The following PABPC1 variants were observed in gnomAD, a reference collection of about 807,000 sequenced individuals.
PABPC1 encodes the protein polyadenylate-binding protein 1.
Under a neutral mutation model 74.0 loss-of-function variants are expected in PABPC1, and 4 were observed. The ratio of observed to expected loss-of-function variants is 0.05; its 90% confidence interval spans 0.03 to 0.12. The LOEUF is 0.12. PABPC1 is among the 10% of genes least tolerant of loss of function. PABPC1 has a pLI of 1.00. For missense variants in PABPC1, 271 were observed against 821.1 expected (o/e 0.33, Z 8.19); for synonymous variants, 227 against 264.1 (o/e 0.86, Z 1.36).
intron 7 of PABPC1, 49 bp from the exon 8 acceptor site, chr8:100,709,780 CA>C: frequency 1.3e-6 from 2 of 1,514,336 alleles, no homozygotes; most frequent in Non-Finnish European, 1.8e-6. Flanking sequence ...GAATGAGGAG[CA>C]AAAAAAGAGC....
At position 100,709,478 on chromosome 8, in the gene PABPC1, A is replaced by C; in HGVS notation, c.1226T>G (p.Phe409Cys). ...PYQPAPPSGY[F>C]MAAIPQTQNR... is the part of the protein sequence containing the mutation. ...ACCTACCTGTGGGATAGCTGCCATG[A>C]AGTAACCTGAAGGAGGTGCTGGCTG... The change falls in exon 8 of 15, where the codon TTC becomes TGC. Residue 409 changes from phenylalanine to cysteine, a missense_variant. This residue lies in a region of PABPC1 where 103 missense variants were observed against 245.3 expected (regional missense o/e 0.42). Coordinates refer to ENST00000318607, the MANE Select transcript of PABPC1 (RefSeq NM_002568.4). 6.2e-7 allele frequency: 1 copy of C among 1,614,208 alleles called. No homozygotes were observed. The highest frequency in any genetic ancestry group is 8.5e-7 in the Non-Finnish European group (1 of 1,180,042).
intron 2 of PABPC1, 98 bp downstream of exon 2, chr8:100,717,989 G>T: frequency 7.5e-7 from 1 of 1,327,400 alleles, no homozygotes; most frequent in Non-Finnish European, 1.1e-6. Context: ...GGATATTTGT[G>T]AAATAAAGAT....
In PABPC1 at chr8:100,706,637, C is replaced by A. The variant is rs1305772375; in HGVS notation, c.1602+14G>T. The A allele has an allele frequency of 2.5e-6, 4 of 1,571,574 alleles. No individual in the cohort carries two copies. The highest frequency in any genetic ancestry group is 2.3e-5 in the South Asian group (2 of 87,370). Reference sequence around the variant, plus strand: ...AGAAATGTGATTTTTATTAAGAAATCATTAAATCCATACCTGTTGCATTGT... The same window carrying A: ...AGAAATGTGATTTTTATTAAGAAATAATTAAATCCATACCTGTTGCATTGT... On this transcript the variant is annotated intron_variant, in intron 11 of 14. Coordinates refer to ENST00000318607, the MANE Select transcript of PABPC1 (RefSeq NM_002568.4).
chr8:100,715,076 G>A (rs1414629229), intron 4 of PABPC1, among the ~76,000 whole-genome samples: 2 of 151,048 alleles, frequency 1.3e-5, no homozygotes, highest in African/African-American at 2.4e-5. Context: ...TCCACTGTAG[G>A]CTGGCTGTGT....
intron 4 of PABPC1, among the ~76,000 whole-genome samples, chr8:100,714,673 G>A (rs143784650): frequency 2.6e-4 from 39 of 152,210 alleles, no homozygotes; most frequent in African/African-American, 9.4e-4. Context: ...AGGCTACAAT[G>A]AGCCGAGATC....
intron 2 of PABPC1, 65 bp from the exon 3 acceptor site, chr8:100,717,953 G>C (rs1345828887): frequency 1.0e-5 from 14 of 1,377,622 alleles, no homozygotes; most frequent in South Asian, 2.3e-5. Context: ...TCAGTGTTGA[G>C]AGACAATCTG....
chr8:100,703,619 G>C (rs1810301759), intron 14 of PABPC1, among the ~76,000 whole-genome samples: 1 of 152,066 alleles, frequency 6.6e-6, no homozygotes, highest in African/African-American at 2.4e-5. Context: ...GCCAATCCCT[G>C]GTCCTGATCC....
At position 100,717,816 on chromosome 8, in the gene PABPC1, C is replaced by T. The variant is rs778642490; in HGVS notation, c.460G>A (p.Ala154Thr). The T allele has an allele frequency of 6.2e-7, 1 of 1,613,526 alleles. No individual in the cohort carries two copies. Among genetic ancestry groups the T allele is most frequent in the South Asian group, 1.1e-5 (1 of 91,016 alleles). ...AGCATTCCATTCATTTTTTCAATAGCTCTTTCAGCTGCTTCCTGCGTCTCA... is the reference window on the plus strand; with the variant it reads ...AGCATTCCATTCATTTTTTCAATAGTTCTTTCAGCTGCTTCCTGCGTCTCA... ...HFETQEAAER[A>T]IEKMNGMLLN... Residue 154 changes from alanine (A) to threonine (T), a missense_variant, in exon 3 of 15, where the codon GCT becomes ACT. Physicochemically the swap from Ala to Thr is moderately conservative, Grantham distance 58 (BLOSUM62 0). Transcript: ENST00000318607.
At chr8:100,711,831 C>T (rs1454356881) in intron 7 of PABPC1, among the ~76,000 whole-genome samples, 1 of 152,182 alleles carries the variant, frequency 6.6e-6, no homozygotes, top group Non-Finnish European at 1.5e-5. Flanking sequence ...ATTATGTATG[C>T]ACAAAACCTT....
rs777595618 is a variant in PABPC1 at position 100,709,219 on chromosome 8, T to G, written c.1250A>C (p.Gln417Pro). ...GYFMAAIPQT[Q>P]NRAAYYPPSQ... is the part of the protein sequence containing the mutation. ...AGGAGGATAGTATGCAGCACGGTTC[T>G]GAGTCTGCAGGGAAAAAAAGCACAT... Residue 417 changes from glutamine to proline, a missense_variant, in exon 9 of 15, where the codon CAG becomes CCG. Transcript: ENST00000318607. The G allele has an allele frequency of 1.4e-5, 22 of 1,613,548 alleles. No individual in the cohort carries two copies. Among genetic ancestry groups the G allele is most frequent in the Non-Finnish European group, 1.8e-5 (21 of 1,179,566 alleles).
rs1391646119 is a variant in PABPC1 at position 100,709,585 on chromosome 8, C to T, written c.1119G>A (p.Glu373=). The T allele has an allele frequency of 4.3e-6, 7 of 1,614,174 alleles. No homozygotes were observed. The highest frequency in any genetic ancestry group is 3.3e-5 in the Admixed American group (2 of 60,022). Residue 373 remains glutamate, a synonymous_variant, in exon 8 of 15, where the codon GAG becomes GAA. Coordinates refer to ENST00000318607, the MANE Select transcript of PABPC1 (RefSeq NM_002568.4). ...LYVALAQRKE[E]RQAHLTNQYM... The stretch of plus-strand genomic sequence containing the variant: ...ACTGGTTAGTGAGGTGAGCCTGGCG[C>T]TCTTCTTTGCGCTGAGCTAAAGCTA...
chr8:100,720,877 C>T (rs921238487), intron 1 of PABPC1, among the ~76,000 whole-genome samples: 2 of 152,222 alleles, frequency 1.3e-5, no homozygotes, highest in Non-Finnish European at 2.9e-5. Flanking sequence ...CTCCCCCAGG[C>T]GACTGGGCCA....
chr8:100,717,301 G>A (rs1429014185), intron 3 of PABPC1, among the ~76,000 whole-genome samples: 5 of 152,126 alleles, frequency 3.3e-5, no homozygotes, highest in African/African-American at 4.8e-5. Context: ...GAGCCACCGC[G>A]CCCGGACTTG....
Position 100,706,937 on chromosome 8 carries a change from A to G in PABPC1, c.1397T>C (p.Met466Thr). Residue 466 changes from methionine to threonine, a missense_variant, in exon 10 of 15, where the codon ATG becomes ACG. Physicochemically the swap from Met to Thr is moderately conservative, Grantham distance 81. Transcript: ENST00000318607. ...TGGAACCTGTGAAGAAGCTGGTCTC[A>G]TAGTACTAAATGGTGGTCTAGGAGC... ...PAAPRPPFSTMRPASSQVPRV... is the reference protein window; with the variant it reads ...PAAPRPPFSTTRPASSQVPRV... The G allele has an allele frequency of 6.2e-7, 1 of 1,613,250 alleles. No individual in the cohort carries two copies.
chr8:100,715,960 G>A (rs1413471492), intron 3 of PABPC1, among the ~76,000 whole-genome samples: 1 of 152,236 alleles, frequency 6.6e-6, no homozygotes, highest in Non-Finnish European at 1.5e-5. Context: ...TTTTAAAGTG[G>A]CGCTTGCGCT....
intron 1 of PABPC1, among the ~76,000 whole-genome samples, chr8:100,720,517 T>C (rs573123775): frequency 6.6e-6 from 1 of 152,320 alleles, no homozygotes; most frequent in African/African-American, 2.4e-5. Context: ...AAGTTGACTA[T>C]TTTATAAAGA....
intron 14 of PABPC1, 191 bp downstream of exon 14, chr8:100,704,106 T>C: frequency 2.9e-6 from 1 of 350,440 alleles, no homozygotes; most frequent in Non-Finnish European, 5.3e-6. Flanking sequence ...ATTTTAAAAA[T>C]CCAACAGTTA....
chr8:100,709,417 A>G, intron 8 of PABPC1, 42 bp downstream of exon 8: 3 of 1,609,226 alleles, frequency 1.9e-6, no homozygotes, highest in Non-Finnish European at 2.6e-6. Context: ...AAATGACCAA[A>G]TACGAAAACC....
intron 4 of PABPC1, among the ~76,000 whole-genome samples, chr8:100,714,226 T>C (rs969207873): frequency 6.6e-6 from 1 of 152,196 alleles, no homozygotes; most frequent in Non-Finnish European, 1.5e-5. Flanking sequence ...ATACGGTAGG[T>C]AGTTAACATC....
Sources: gnomAD v4.1 joint callset for allele counts (sites outside exome capture counted in the v4.1 genomes callset) on GRCh38, gnomAD v4.1.1 for gene constraint, gnomAD v4.1.1 regional missense constraint, MANE v1.5 for transcripts, NCBI Gene and HGNC (gene_info 2026-07-23, HGNC 2026-07-21) for gene names.